The following PLPPR5 variants were observed in gnomAD, a reference collection of about 807,000 sequenced individuals.
The protein encoded by PLPPR5 is phospholipid phosphatase related 5.
PLPPR5 carries 16 observed loss-of-function variants against 33.9 expected under a neutral mutation model. The observed-to-expected ratio is 0.47, with a 90% CI of 0.32 to 0.72. The LOEUF (loss-of-function observed/expected upper bound fraction) is 0.72. Among genes scored for constraint, PLPPR5 ranks in the 30% least tolerant of loss-of-function variants. PLPPR5 has a pLI of 0.03. For synonymous variants in PLPPR5, 163 were observed against 150.3 expected, an observed-to-expected ratio of 1.08 and a Z score of -0.62; for missense variants, 301 against 406.7, an observed-to-expected ratio of 0.74 and a Z score of 2.23.
At chr1:98,900,170 C>A (rs762574080) in intron 5 of PLPPR5, among the ~76,000 whole-genome samples, 1 of 151,980 alleles carries the variant, frequency 6.6e-6, no homozygotes, top group Non-Finnish European at 1.5e-5. Flanking sequence ...TTATGAATTC[C>A]GCTTCTTTTT....
At chr1:98,941,766 A>T (rs1434702473) in intron 3 of PLPPR5, among the ~76,000 whole-genome samples, 1 of 151,632 alleles carries the variant, frequency 6.6e-6, no homozygotes, top group Non-Finnish European at 1.5e-5. Flanking sequence ...CTGTATTATT[A>T]TAGAGAGATT....
At chr1:98,995,196 A>G (rs1652586126) in intron 1 of PLPPR5, among the ~76,000 whole-genome samples, 1 of 152,158 alleles carries the variant, frequency 6.6e-6, no homozygotes, top group Non-Finnish European at 1.5e-5. Context: ...ATAAAGACAT[A>G]TGCACATGTA....
At chr1:98,957,128 G>T (rs1038728144) in intron 1 of PLPPR5, among the ~76,000 whole-genome samples, 1 of 148,140 alleles carries the variant, frequency 6.8e-6, no homozygotes, top group Non-Finnish European at 1.5e-5. Context: ...TAGGTGGGAA[G>T]TGAACAATGA....
chr1:98,946,156 T>C (rs921269404), intron 3 of PLPPR5, among the ~76,000 whole-genome samples: 12 of 152,190 alleles, frequency 7.9e-5, no homozygotes, highest in Non-Finnish European at 1.6e-4. Flanking sequence ...CAAGATTCTG[T>C]GTTGATCTTC....
At chr1:98,942,840 A>G (rs1163641809) in intron 3 of PLPPR5, among the ~76,000 whole-genome samples, 1 of 152,184 alleles carries the variant, frequency 6.6e-6, no homozygotes, top group African/African-American at 2.4e-5. Context: ...TGTACTGGTG[A>G]GAGGGACACC....
At chr1:98,976,092 TAAA>T (rs34637022) in intron 1 of PLPPR5, among the ~76,000 whole-genome samples, 14 of 74,688 alleles carry the variant, frequency 1.9e-4, no homozygotes, top group Admixed American at 4.5e-4. Context: ...TACTAAAAAG[TAAA>T]AAAAAAAAAA....
chr1:98,959,002 A>G (rs1408629896), intron 1 of PLPPR5, among the ~76,000 whole-genome samples: 2 of 149,628 alleles, frequency 1.3e-5, no homozygotes, highest in African/African-American at 4.9e-5. Flanking sequence ...AGAATGTAGT[A>G]GGTACCCAAT....
intron 1 of PLPPR5, among the ~76,000 whole-genome samples, chr1:98,977,542 T>C (rs1317352448): frequency 6.7e-6 from 1 of 148,580 alleles, no homozygotes; most frequent in Non-Finnish European, 1.5e-5. Flanking sequence ...TAGGATGCTA[T>C]GATGCTTAGA....
At chr1:98,933,408 G>C (rs987367033) in intron 3 of PLPPR5, among the ~76,000 whole-genome samples, 1 of 151,626 alleles carries the variant, frequency 6.6e-6, no homozygotes, top group African/African-American at 2.4e-5. Context: ...GTGTGAACCC[G>C]GGAGGCGGAG....
chr1:98,924,380 T>G (rs1649675829), intron 3 of PLPPR5, among the ~76,000 whole-genome samples: 1 of 152,204 alleles, frequency 6.6e-6, no homozygotes, highest in Non-Finnish European at 1.5e-5. Context: ...CTCCTAATCT[T>G]CCTTTCTTTT....
At chr1:98,983,447 A>AT (rs1652132713) in intron 1 of PLPPR5, among the ~76,000 whole-genome samples, 1 of 128,394 alleles carries the variant, frequency 7.8e-6, no homozygotes, top group Non-Finnish European at 1.6e-5. Flanking sequence ...ATAGTATTCC[A>AT]TGGTGTATAT....
chr1:98,890,493 CAT>C lies in PLPPR5; in HGVS notation c.*2577_*2578del, dbSNP rs891037273. ...AAGTTATCACAGGAATCAGATAAAACATGTGCAGAATTTCTGCCATGCAAACA... is the reference window on the plus strand; with the variant it reads ...AAGTTATCACAGGAATCAGATAAAACGTGCAGAATTTCTGCCATGCAAACA... On this transcript the variant is annotated 3_prime_UTR_variant, in exon 6 of 6. Coordinates refer to ENST00000263177, the MANE Select transcript of PLPPR5 (RefSeq NM_001037317.2). The C allele has an allele frequency of 3.3e-5, 5 of 152,454 alleles. No homozygotes were observed. Among genetic ancestry groups the C allele is most frequent in the South Asian group, 2.1e-4 (1 of 4,828 alleles). 9.4% of individuals were successfully genotyped at this position (152,454 alleles called of 1,614,324 possible).
chr1:98,995,427 T>A (rs1474680278), intron 1 of PLPPR5, among the ~76,000 whole-genome samples: 1 of 152,120 alleles, frequency 6.6e-6, no homozygotes, highest in African/African-American at 2.4e-5. Context: ...GATTTACTTA[T>A]AACAAACCTG....
intron 1 of PLPPR5, among the ~76,000 whole-genome samples, chr1:98,978,869 T>C (rs1301289984): frequency 1.3e-5 from 2 of 152,070 alleles, no homozygotes; most frequent in African/African-American, 2.4e-5. Context: ...CACAGGCATG[T>C]CTGATTCTAA....
rs990361619 is a variant in PLPPR5 at position 98,896,474 on chromosome 1, A to G, written c.934-3370T>C. ...GTTCTATTCAGAATCATGAGAAGAA[A>G]CTGGTCATATAATTTTTTGTCACAA... On this transcript the variant is annotated intron_variant, in intron 5 of 5. Transcript: ENST00000263177. 5.3e-5 allele frequency among the ~76,000 whole-genome samples: 8 copies of G among 152,252 alleles called. No homozygotes were observed. In the East Asian group the frequency reaches 1.2e-3, roughly 22 times the overall value.
intron 1 of PLPPR5, among the ~76,000 whole-genome samples, chr1:98,992,123 A>G (rs1652472825): frequency 6.6e-6 from 1 of 152,176 alleles, no homozygotes; most frequent in African/African-American, 2.4e-5. Flanking sequence ...AAGAGATAGT[A>G]TTGGAGCTGT....
intron 1 of PLPPR5, among the ~76,000 whole-genome samples, chr1:99,003,683 C>T (rs991668618): frequency 2.0e-5 from 3 of 152,130 alleles, no homozygotes; most frequent in Admixed American, 1.3e-4. Context: ...GTCATTCTTT[C>T]TCTCACACAC....
chr1:98,901,886 A>C (rs1648706611), intron 5 of PLPPR5, among the ~76,000 whole-genome samples: 1 of 152,110 alleles, frequency 6.6e-6, no homozygotes, highest in South Asian at 2.1e-4. Flanking sequence ...GCAATAATCT[A>C]TGTCTAACAA....
upstream of PLPPR5, among the ~76,000 whole-genome samples, chr1:99,005,549 G>T (rs1462055983): frequency 6.6e-6 from 1 of 152,174 alleles, no homozygotes; most frequent in Non-Finnish European, 1.5e-5. Context: ...TTGTACAGCG[G>T]CCCCTTCCTG....
Sources: allele counts gnomAD v4.1 joint callset (sites outside exome capture counted in the v4.1 genomes callset), GRCh38; gene constraint gnomAD v4.1.1; transcripts MANE v1.5; gene names NCBI Gene and HGNC (gene_info 2026-07-23, HGNC 2026-07-21).